The following OTUD7B variants were observed in gnomAD, a reference collection of about 807,000 sequenced individuals.
OTUD7B encodes the protein OTU deubiquitinase 7B, also known as OTU domain-containing protein 7B.
In OTUD7B, 34 loss-of-function variants were observed where a neutral mutation model predicts 82.2. That is an observed-to-expected ratio of 0.41 (90% CI 0.31 to 0.55). The LOEUF is 0.55. Ranked by LOEUF, OTUD7B falls within the 20% of genes least tolerant of loss-of-function variation. OTUD7B has a pLI of 0.20. For missense variants in OTUD7B, 944 were observed against 1,062.1 expected (o/e 0.89, Z 1.55); for synonymous variants, 398 against 402.7 (o/e 0.99, Z 0.14).
intron 5 of OTUD7B, among the ~76,000 whole-genome samples, chr1:149,965,059 A>AT (rs1156494366): frequency 4.0e-5 from 6 of 149,874 alleles, no homozygotes; most frequent in African/African-American, 1.5e-4. Context: ...TGCCCAGCTA[A>AT]TTTTTTTATT....
At chr1:150,044,772 A>G in the OTUD7B span, among the ~76,000 whole-genome samples, 1 of 151,986 alleles carries the variant, frequency 6.6e-6, no homozygotes, top group East Asian at 1.9e-4. Flanking sequence ...TAGTCTGTCT[A>G]TAAAATAAAC....
chr1:150,050,417 T>C, the OTUD7B span: 7 of 152,180 alleles, frequency 4.6e-5, no homozygotes, highest in Non-Finnish European at 1.0e-4. Context: ...TATATATTCA[T>C]AGTGACAGAT....
chr1:150,032,405 A>C, the OTUD7B span, among the ~76,000 whole-genome samples: 1 of 139,224 alleles, frequency 7.2e-6, no homozygotes, highest in Non-Finnish European at 1.5e-5. Context: ...AATTGGGAGG[A>C]CTGCTTGAGC....
chr1:149,954,063 G>A (rs587629736), intron 7 of OTUD7B, among the ~76,000 whole-genome samples: 2 of 152,244 alleles, frequency 1.3e-5, no homozygotes, highest in African/African-American at 4.8e-5. Flanking sequence ...GATTGCCCTG[G>A]CCAGAACTTC....
At chr1:150,015,290 C>CTTTTTTTTTTTTTTTTTTTTTTTTTTTTT (rs60374988), upstream of OTUD7B, among the ~76,000 whole-genome samples, 1 of 128,974 alleles carries the variant, frequency 7.8e-6, no homozygotes, top group Non-Finnish European at 1.5e-5. Flanking sequence ...TTTTCTTTCT[C>CTTTTTTTTTTTTTTTTTTTTTTTTTTTTT]TTTTTTTTTT....
At chr1:150,001,593 A>G (rs1486629323) in intron 1 of OTUD7B, among the ~76,000 whole-genome samples, 2 of 152,244 alleles carry the variant, frequency 1.3e-5, no homozygotes, top group African/African-American at 4.8e-5. Flanking sequence ...GAAAGCTTCC[A>G]GTTACACAGG....
the OTUD7B span, among the ~76,000 whole-genome samples, chr1:150,030,837 T>A: frequency 2.0e-5 from 3 of 152,210 alleles, no homozygotes; most frequent in Non-Finnish European, 4.4e-5. Flanking sequence ...TCATTGAATA[T>A]AGCTTTGAAT....
intron 8 of OTUD7B, 89 bp downstream of exon 8, chr1:149,950,005 C>G: frequency 5.9e-6 from 9 of 1,529,680 alleles, no homozygotes; most frequent in Non-Finnish European, 8.0e-6. Flanking sequence ...GTCTATATAT[C>G]CCCTTTCCTG....
chr1:150,065,540 T>A, the OTUD7B span, among the ~76,000 whole-genome samples: 1 of 152,354 alleles, frequency 6.6e-6, no homozygotes, highest in African/African-American at 2.4e-5. Context: ...ATTGAAAATA[T>A]TTCTTGTTAT....
chr1:149,982,514 CAGG>C (rs1650825956), intron 1 of OTUD7B, among the ~76,000 whole-genome samples: 1 of 152,072 alleles, frequency 6.6e-6, no homozygotes, highest in Non-Finnish European at 1.5e-5. Context: ...GGCTGGAGTG[CAGG>C]AGTTTGATCT....
At chr1:150,052,424 C>A in the OTUD7B span, among the ~76,000 whole-genome samples, 1 of 152,034 alleles carries the variant, frequency 6.6e-6, no homozygotes, top group Non-Finnish European at 1.5e-5. Flanking sequence ...ACAATTGTCA[C>A]TAAAAAAATA....
chr1:150,013,561 G>T (rs1330062527), upstream of OTUD7B, among the ~76,000 whole-genome samples: 3 of 152,094 alleles, frequency 2.0e-5, no homozygotes, highest in African/African-American at 7.2e-5. Flanking sequence ...TACATGCCTA[G>T]GAACCTCAGA....
In OTUD7B at chr1:149,959,765, T is replaced by C. The variant is rs1553775292; in HGVS notation, c.764A>G (p.Gln255Arg). ...CTTGATCAGTTCATTCCACTCCTTC[T>C]GCCATTCATCTTCTGTGTATACCAG... is the stretch of plus-strand genomic sequence containing the variant. ...SGLVYTEDEW[Q>R]KEWNELIKLA... The change falls in exon 7 of 12, where the codon CAG becomes CGG. Residue 255 changes from glutamine (Q) to arginine (R), a missense_variant. Coordinates refer to ENST00000581312, the MANE Select transcript of OTUD7B (RefSeq NM_020205.4). 1.2e-6 allele frequency: 2 copies of C among 1,613,920 alleles called. No homozygotes were observed.
chr1:149,947,321 A>C lies in OTUD7B; in HGVS notation c.1253T>G (p.Leu418Arg). 2 of 1,603,324 alleles carry C rather than the reference A, an allele frequency of 1.2e-6. No homozygotes were observed. The highest frequency in any genetic ancestry group is 2.2e-5 in the South Asian group (2 of 90,888). ...ATGCAGCAGATGCAATTTGACCTCT[A>C]GGGACAGAATTACACTATGAAAAAG... The part of the protein sequence containing the change: ...NVRLASVILS[L>R]EVKLHLLHSY... Residue 418 changes from leucine to arginine, a missense_variant, in exon 11 of 12, where the codon CTA (leucine) becomes CGA (arginine). Coordinates refer to ENST00000581312, the MANE Select transcript of OTUD7B (RefSeq NM_020205.4).
chr1:149,953,776 T>C (rs781990272), intron 7 of OTUD7B, among the ~76,000 whole-genome samples: 6 of 152,162 alleles, frequency 3.9e-5, no homozygotes, highest in Non-Finnish European at 7.4e-5. Context: ...CCCTTGTAAG[T>C]TGGATTTCTA....
the OTUD7B span, chr1:150,054,269 A>C: frequency 4.2e-6 from 2 of 472,208 alleles, no homozygotes; most frequent in African/African-American, 4.0e-5. Context: ...CAGTCAGCAC[A>C]TGAGAAAACT....
In OTUD7B at chr1:149,937,953, C is replaced by G. The variant is rs1289465713; in HGVS notation, c.*5904G>C. The G allele has an allele frequency of 6.6e-6, 1 of 152,164 alleles. No homozygotes were observed. Among genetic ancestry groups the G allele is most frequent in the Non-Finnish European group, 1.5e-5 (1 of 68,054 alleles). 9.4% of individuals were successfully genotyped at this position (152,164 alleles called of 1,614,324 possible). A position where few individuals can be genotyped will look rare whatever the true frequency, so the allele number is the denominator to read the frequency against. ...CCCTTCTGGCCTCAGCTTTCAGTTT[C>G]CTGTCTTGGCTGCAACTGTGGAAAT... On this transcript the variant is annotated 3_prime_UTR_variant, in exon 12 of 12. Coordinates refer to ENST00000581312, the MANE Select transcript of OTUD7B (RefSeq NM_020205.4).
At chr1:149,992,467 G>GTTTT (rs1166098299) in intron 1 of OTUD7B, among the ~76,000 whole-genome samples, 33,169 of 61,476 alleles carry the variant, frequency 0.54, 13,350 homozygotes, top group Non-Finnish European at 0.61. Flanking sequence ...GTGTGCATGT[G>GTTTT]TTTTTTTTTT....
At chr1:150,021,553 G>A in the OTUD7B span, among the ~76,000 whole-genome samples, 3 of 152,296 alleles carry the variant, frequency 2.0e-5, no homozygotes, top group South Asian at 6.2e-4. Context: ...AAGCAGATAT[G>A]AGGTGAAAGG....
Sources: allele counts gnomAD v4.1 joint callset (sites outside exome capture counted in the v4.1 genomes callset), GRCh38; gene constraint gnomAD v4.1.1; transcripts MANE v1.5; gene names NCBI Gene and HGNC (gene_info 2026-07-23, HGNC 2026-07-21).